TNFRSF6B: variants seen among roughly 807,000 people sequenced by gnomAD.
TNFRSF6B encodes the protein TNF receptor superfamily member 6b, also known as tumor necrosis factor receptor superfamily member 6B.
TNFRSF6B carries 23 observed loss-of-function variants against 17.9 expected under a neutral mutation model. The observed-to-expected ratio is 1.28, with a 90% CI of 0.92 to 1.82. TNFRSF6B has a LOEUF of 1.82. Among genes scored for constraint, TNFRSF6B ranks in the 40% most tolerant of loss-of-function variants. TNFRSF6B has a pLI of 0.00. For synonymous variants in TNFRSF6B, 291 were observed against 195.8 expected, an observed-to-expected ratio of 1.49 and a Z score of -4.06; for missense variants, 555 against 437.2, an observed-to-expected ratio of 1.27 and a Z score of -2.40.
intron 2 of TNFRSF6B, among the ~76,000 whole-genome samples, chr20:63,698,032 C>T (rs1472897009): frequency 6.6e-6 from 1 of 152,168 alleles, no homozygotes; most frequent in Non-Finnish European, 1.5e-5. Flanking sequence ...GGCCCCCTTG[C>T]CTCTTGCAGC....
chr20:63,698,607 TG>T lies in TNFRSF6B; in HGVS notation c.*45del. 6.9e-7 allele frequency: 1 copy of T among 1,444,536 alleles called. No individual in the cohort carries two copies. The highest frequency in any genetic ancestry group is 2.7e-5 in the East Asian group (1 of 36,980). The allele number at this position is 1,444,536 out of a possible 1,614,324, so 89.5% of individuals were successfully genotyped here. ...TATTCTACATCCTTGGCACCCCACT[TG>T]CACTGAAAGAGGCTTTTTTTTAAAT... On this transcript the variant is annotated 3_prime_UTR_variant, in exon 3 of 3. Coordinates refer to ENST00000369996, the MANE Select transcript of TNFRSF6B (RefSeq NM_003823.4).
In TNFRSF6B at chr20:63,698,598, C is replaced by T. The variant is rs369123760; in HGVS notation, c.*35C>T. ...CCTCTTATTTATTCTACATCCTTGG[C>T]ACCCCACTTGCACTGAAAGAGGCTT... On this transcript the variant is annotated 3_prime_UTR_variant, in exon 3 of 3. Coordinates refer to ENST00000369996, the MANE Select transcript of TNFRSF6B (RefSeq NM_003823.4). 18 of 1,458,254 alleles carry T rather than the reference C, an allele frequency of 1.2e-5. No homozygotes were observed. The highest frequency in any genetic ancestry group is 4.3e-5 in the South Asian group (3 of 69,734). 90.3% of individuals were successfully genotyped at this position (1,458,254 alleles called of 1,614,324 possible). A position where few individuals can be genotyped will look rare whatever the true frequency, so the allele number is the denominator to read the frequency against.
In TNFRSF6B at chr20:63,696,764, G is replaced by A; in HGVS notation, c.-4G>A. 6.3e-7 allele frequency: 1 copy of A among 1,578,324 alleles called. No homozygotes were observed. The highest frequency in any genetic ancestry group is 1.7e-5 in the Admixed American group (1 of 57,462). On this transcript the variant is annotated 5_prime_UTR_variant, in exon 1 of 3. Transcript: ENST00000369996. ...GCCGCGCTCTCCCTGCTCCAGCAAGGACCATGAGGGCGCTGGAGGGGCCAG... is the reference window on the plus strand; with the variant it reads ...GCCGCGCTCTCCCTGCTCCAGCAAGAACCATGAGGGCGCTGGAGGGGCCAG...
At position 63,697,273 on chromosome 20, in the gene TNFRSF6B, C is replaced by A. The variant is rs1195841584; in HGVS notation, c.425-55C>A. On this transcript the variant is annotated intron_variant, in intron 1 of 2. Transcript: ENST00000369996. ...GGTCAGGTTGCTGGTCCCAGCCTTG[C>A]ACCCTGAGCTAGGACACCAGTTCCC... 3.2e-6 allele frequency: 5 copies of A among 1,569,506 alleles called. No homozygotes were observed. The East Asian group carries it at 9.5e-5, about 30-fold the overall frequency.
At position 63,698,436 on chromosome 20, in the gene TNFRSF6B, G is replaced by A. The variant is rs764026145; in HGVS notation, c.776G>A (p.Arg259Gln). 39 of 1,571,776 alleles carry A rather than the reference G, an allele frequency of 2.5e-5. No individual in the cohort carries two copies. The highest frequency in any genetic ancestry group is 1.7e-4 in the Admixed American group (9 of 51,590). The change falls in exon 3 of 3, where the codon CGG (arginine) becomes CAG (glutamine). Residue 259 changes from arginine (R) to glutamine (Q), a missense_variant. By Grantham distance (43) the Arg-to-Gln change is conservative (BLOSUM62 1). Coordinates refer to ENST00000369996, the MANE Select transcript of TNFRSF6B (RefSeq NM_003823.4). ...GRAALQLKLRRRLTELLGAQD... is the reference protein window; with the variant it reads ...GRAALQLKLRQRLTELLGAQD... ...GCGGCCTTGCAGCTGAAGCTGCGTCGGCGGCTCACGGAGCTCCTGGGGGCG... is the reference window on the plus strand; with the variant it reads ...GCGGCCTTGCAGCTGAAGCTGCGTCAGCGGCTCACGGAGCTCCTGGGGGCG...
Position 63,698,474 on chromosome 20 carries a change from C to T in TNFRSF6B, c.814C>T (p.Leu272=), listed in dbSNP as rs750208461. Residue 272 remains leucine (L), a synonymous_variant, in exon 3 of 3, where the codon CTG becomes TTG. Transcript: ENST00000369996. Reference sequence around the variant, plus strand: ...GCTCCTGGGGGCGCAGGACGGGGCGCTGCTGGTGCGGCTGCTGCAGGCGCT... The same window carrying T: ...GCTCCTGGGGGCGCAGGACGGGGCGTTGCTGGTGCGGCTGCTGCAGGCGCT... The part of the protein sequence containing the change: ...TELLGAQDGA[L]LVRLLQALRV... 20 of 1,554,622 alleles carry T rather than the reference C, an allele frequency of 1.3e-5. No homozygotes were observed. In the Admixed American group the frequency reaches 1.9e-4, roughly 15 times the overall value.
intron 2 of TNFRSF6B, 131 bp from the exon 3 acceptor site, chr20:63,698,149 C>G: frequency 8.3e-7 from 1 of 1,206,644 alleles, no homozygotes; most frequent in East Asian, 2.7e-5. Context: ...CTCTCCAGCA[C>G]GGCTCACTGC....
intron 2 of TNFRSF6B, among the ~76,000 whole-genome samples, chr20:63,697,937 C>T (rs2091019277): frequency 1.3e-5 from 2 of 152,114 alleles, no homozygotes; most frequent in African/African-American, 2.4e-5. Context: ...GGGAAGTGAC[C>T]CCCTTAACAT....
At position 63,698,272 on chromosome 20, in the gene TNFRSF6B, C is replaced by T. The variant is rs771206685; in HGVS notation, c.620-8C>T. 2.5e-6 allele frequency: 4 copies of T among 1,609,670 alleles called. No homozygotes were observed. Among genetic ancestry groups the T allele is most frequent in the Non-Finnish European group, 3.4e-6 (4 of 1,178,784 alleles). On this transcript the variant is annotated splice_region_variant and splice_polypyrimidine_tract_variant and intron_variant, in intron 2 of 2. Transcript: ENST00000369996. ...TGATCGGACCGCTGCCTCCCCACCC[C>T]ACTGCAGGAGCTGAGGAGTGTGAGC... is the stretch of plus-strand genomic sequence containing the variant.
chr20:63,696,990 C>G lies in TNFRSF6B; in HGVS notation c.223C>G (p.Pro75Ala), dbSNP rs1224394739. 17 of 1,608,232 alleles carry G rather than the reference C, an allele frequency of 1.1e-5. No homozygotes were observed. The highest frequency in any genetic ancestry group is 1.4e-5 in the Non-Finnish European group (17 of 1,179,214). ...CCCCACGACGTGTGGCCCGTGTCCA[C>G]CGCGCCACTACACGCAGTTCTGGAA... ...DSPTTCGPCP[P>A]RHYTQFWNYL... The change falls in exon 1 of 3, where the codon CCG becomes GCG. Residue 75 changes from proline to alanine, a missense_variant. By Grantham distance (27) the Pro-to-Ala change is conservative. Coordinates refer to ENST00000369996, the MANE Select transcript of TNFRSF6B (RefSeq NM_003823.4).
intron 2 of TNFRSF6B, 40 bp from the exon 3 acceptor site, chr20:63,698,240 G>A: frequency 6.2e-7 from 1 of 1,603,224 alleles, no homozygotes; most frequent in Non-Finnish European, 8.5e-7. Context: ...AGTGTGTGTG[G>A]GTGAAATGAT....
intron 1 of TNFRSF6B, 36 bp from the exon 2 acceptor site, chr20:63,697,292 A>C (rs970065385): frequency 8.2e-6 from 13 of 1,592,574 alleles, no homozygotes; most frequent in Non-Finnish European, 1.1e-5. Flanking sequence ...CTAGGACACC[A>C]GTTCCCCTGA....
Position 63,696,977 on chromosome 20 carries a change from T to G in TNFRSF6B, c.210T>G (p.Cys70Trp). 6.2e-7 allele frequency: 1 copy of G among 1,608,164 alleles called. No individual in the cohort carries two copies. The highest frequency in any genetic ancestry group is 8.5e-7 in the Non-Finnish European group (1 of 1,179,062). ...RPCRRDSPTTCGPCPPRHYTQ... is the reference protein window; with the variant it reads ...RPCRRDSPTTWGPCPPRHYTQ... ...GCCGCCGAGACAGCCCCACGACGTG[T>G]GGCCCGTGTCCACCGCGCCACTACA... Residue 70 changes from cysteine to tryptophan, a missense_variant, in exon 1 of 3, where the codon TGT becomes TGG. Coordinates refer to ENST00000369996, the MANE Select transcript of TNFRSF6B (RefSeq NM_003823.4).
Position 63,697,788 on chromosome 20 carries a change from G to A in TNFRSF6B, c.619+266G>A, listed in dbSNP as rs1156890033. Among the ~76,000 whole-genome samples, 2 of 152,156 alleles carry A rather than the reference G, an allele frequency of 1.3e-5. 1 individual carries two copies. Among genetic ancestry groups the A allele is most frequent in the South Asian group, 4.1e-4 (2 of 4,834 alleles). On this transcript the variant is annotated intron_variant, in intron 2 of 2. Transcript: ENST00000369996. ...GGCAGCAATCTCCTAACTGCCCGAG[G>A]GGAAGGTGGCTGGCTCCTCTGACAC... is the stretch of plus-strand genomic sequence containing the variant.
chr20:63,697,044 G>A lies in TNFRSF6B; in HGVS notation c.277G>A (p.Val93Ile), dbSNP rs185771249. The change falls in exon 1 of 3, where the codon GTC becomes ATC. Residue 93 changes from valine (V) to isoleucine (I), a missense_variant. Val to Ile is a conservative substitution (Grantham distance 29). Transcript: ENST00000369996. Reference protein sequence around the residue: ...NYLERCRYCNVLCGEREEEAR... With the variant: ...NYLERCRYCNILCGEREEEAR... The stretch of plus-strand genomic sequence containing the variant: ...CCTAGAGCGCTGCCGCTACTGCAAC[G>A]TCCTCTGCGGGGAGCGTGAGGAGGA... The A allele has an allele frequency of 4.1e-5, 66 of 1,607,380 alleles. No individual in the cohort carries two copies. Among genetic ancestry groups the A allele is most frequent in the Middle Eastern group, 3.3e-4 (2 of 6,052 alleles).
rs776031713 is a variant in TNFRSF6B, at chr20:63,698,291, T to C, written c.631T>C (p.Cys211Arg). The C allele has an allele frequency of 3.0e-5, 48 of 1,609,824 alleles. No individual in the cohort carries two copies. Among genetic ancestry groups the C allele is most frequent in the Non-Finnish European group, 4.0e-5 (47 of 1,178,756 alleles). The change falls in exon 3 of 3, where the codon TGT becomes CGT. Residue 211 changes from cysteine to arginine, a missense_variant. Coordinates refer to ENST00000369996, the MANE Select transcript of TNFRSF6B (RefSeq NM_003823.4). ...CCACCCCACTGCAGGAGCTGAGGAGTGTGAGCGTGCCGTCATCGACTTTGT... is the reference window on the plus strand; with the variant it reads ...CCACCCCACTGCAGGAGCTGAGGAGCGTGAGCGTGCCGTCATCGACTTTGT... Reference protein sequence around the residue: ...LSTRVPGAEECERAVIDFVAF... With the variant: ...LSTRVPGAEERERAVIDFVAF...
rs2091000957 is a variant in TNFRSF6B at position 63,697,207 on chromosome 20, G to T, written c.424+16G>T. On this transcript the variant is annotated intron_variant, in intron 1 of 2. Transcript: ENST00000369996. The stretch of plus-strand genomic sequence containing the variant: ...ATTGCCCCGGGTGAGAGCTGGGCGA[G>T]GGGAGGGGCCCCCAGGAGTGGTGGC... 2 of 1,553,562 alleles carry T rather than the reference G, an allele frequency of 1.3e-6. No homozygotes were observed. Among genetic ancestry groups the T allele is most frequent in the East Asian group, 2.4e-5 (1 of 41,830 alleles).
chr20:63,697,549 A>T (rs1346476494), intron 2 of TNFRSF6B, 27 bp downstream of exon 2: 1 of 1,525,366 alleles, frequency 6.6e-7, no homozygotes, highest in South Asian at 1.2e-5. Context: ...AGGGGGCAGC[A>T]CACTGCAGGC....
intron 1 of TNFRSF6B, 52 bp from the exon 2 acceptor site, chr20:63,697,276 C>G: frequency 1.3e-6 from 2 of 1,573,192 alleles, no homozygotes; most frequent in Non-Finnish European, 1.7e-6. Flanking sequence ...AGCCTTGCAC[C>G]CTGAGCTAGG....
Sources: gnomAD v4.1 joint callset for allele counts (sites outside exome capture counted in the v4.1 genomes callset) on GRCh38, gnomAD v4.1.1 for gene constraint, MANE v1.5 for transcripts, NCBI Gene and HGNC (gene_info 2026-07-23, HGNC 2026-07-21) for gene names.